Variants in HDAC10 observed in about 807,000 individuals in gnomAD.
HDAC10 encodes polyamine deacetylase HDAC10.
Under a neutral mutation model 82.3 loss-of-function variants are expected in HDAC10, and 90 were observed. The observed-to-expected ratio is 1.09, with a 90% CI of 0.92 to 1.30. HDAC10 has a LOEUF of 1.30. Ranked by LOEUF, HDAC10 falls within the 50% of genes most tolerant of loss-of-function variation. The pLI is 0.00. For missense variants in HDAC10, 934 were observed against 876.3 expected, an observed-to-expected ratio of 1.07 and a Z score of -0.83; for synonymous variants, 456 against 391.7, an observed-to-expected ratio of 1.16 and a Z score of -1.94.
rs1601634353 is a variant in HDAC10, at chr22:50,251,098, C to T, written c.-66G>A. The T allele has an allele frequency of 1.3e-6, 2 of 1,514,696 alleles. No individual in the cohort carries two copies. The highest frequency in any genetic ancestry group is 2.5e-5 in the East Asian group (1 of 40,768). The allele number at this position is 1,514,696 out of a possible 1,614,324, so 93.8% of individuals were successfully genotyped here. A position where few individuals can be genotyped will look rare whatever the true frequency, so the allele number is the denominator to read the frequency against. On this transcript the variant is annotated 5_prime_UTR_variant, in exon 1 of 20. Coordinates refer to ENST00000216271, the MANE Select transcript of HDAC10 (RefSeq NM_032019.6). Reference sequence around the variant, plus strand: ...TAGTGGTGCCTGCCACTGCCTGTCCCCACCTTCGGCCGGGAGCAGCCGGAG... The same window carrying T: ...TAGTGGTGCCTGCCACTGCCTGTCCTCACCTTCGGCCGGGAGCAGCCGGAG...
chr22:50,246,762 G>C (rs766217703), intron 15 of HDAC10, 27 bp from the exon 16 acceptor site: 1 of 1,612,548 alleles, frequency 6.2e-7, no homozygotes, highest in South Asian at 1.1e-5. Flanking sequence ...CCTCAGGACA[G>C]GTGTTCATGT....
chr22:50,249,715 CA>C lies in HDAC10; in HGVS notation c.495-13del. 4 of 1,612,742 alleles carry C rather than the reference CA, an allele frequency of 2.5e-6. No individual in the cohort carries two copies. The highest frequency in any genetic ancestry group is 3.3e-5 in the Admixed American group (2 of 60,008). Reference sequence around the variant, plus strand: ...CCACGACGAGGATCCTGGGTACAGACAGCGCTGGTGGCAAAGGGGCAGGGCC... The same window carrying C: ...CCACGACGAGGATCCTGGGTACAGACGCGCTGGTGGCAAAGGGGCAGGGCC... On this transcript the variant is annotated splice_polypyrimidine_tract_variant and intron_variant, in intron 5 of 19. Transcript: ENST00000216271. This position sits in a 1 kb window ranked among gnomAD's most constrained non-coding sequence, Gnocchi z 4.4.
chr22:50,250,840 C>A lies in HDAC10; in HGVS notation c.125G>T (p.Gly42Val). ...TAALDRLRQRGLEQRCLRLSA... is the reference protein window; with the variant it reads ...TAALDRLRQRVLEQRCLRLSA... ...CAACCGCAGACACCTCTGTTCCAGG[C>A]CGCGCTGCCGCAGGCGATCCAGGGC... The change falls in exon 2 of 20, where the codon GGC becomes GTC. Residue 42 changes from glycine (G) to valine (V), a missense_variant. Transcript: ENST00000216271. 6.2e-7 allele frequency: 1 copy of A among 1,602,244 alleles called. No individual in the cohort carries two copies. The highest frequency in any genetic ancestry group is 8.5e-7 in the Non-Finnish European group (1 of 1,175,736).
In HDAC10 at chr22:50,249,297, G is replaced by T; in HGVS notation, c.690+31C>A. On this transcript the variant is annotated intron_variant, in intron 7 of 19. Transcript: ENST00000216271. This position sits in a 1 kb window ranked among gnomAD's most constrained non-coding sequence, Gnocchi z 4.4. Reference sequence around the variant, plus strand: ...GGGAGGGGCCCAGGGGGAGGGGGCTGGGTGGGGACCTGGGGCTTGAGGGTG... The same window carrying T: ...GGGAGGGGCCCAGGGGGAGGGGGCTTGGTGGGGACCTGGGGCTTGAGGGTG... 1 of 1,546,818 alleles carries T rather than the reference G, an allele frequency of 6.5e-7. No homozygotes were observed.
intron 14 of HDAC10, 52 bp downstream of exon 14, chr22:50,247,640 G>T: frequency 7.4e-7 from 1 of 1,349,062 alleles, no homozygotes; most frequent in Non-Finnish European, 1.0e-6. Flanking sequence ...GGCAGGTCCT[G>T]GTCCCTGCCC....
At chr22:50,247,825 T>A (rs1569134697) in intron 13 of HDAC10, 49 bp from the exon 14 acceptor site, 1 of 1,612,554 alleles carries the variant, frequency 6.2e-7, no homozygotes, top group African/African-American at 1.3e-5. Context: ...TGACCGCAGG[T>A]CAGGCACACA....
chr22:50,250,666 G>A, intron 2 of HDAC10, 105 bp downstream of exon 2: 1 of 1,351,222 alleles, frequency 7.4e-7, no homozygotes, highest in South Asian at 1.4e-5. Context: ...CATAGGGAGA[G>A]GCTCTGTATT....
rs776239767 is a variant in HDAC10 at position 50,245,955 on chromosome 22, C to G, written c.1788G>C (p.Met596Ile). ...QGPHAALLAA[M>I]LRGLAGGRVL... ...CTCGGCCCCCTGCCAGCCCCCGAAG[C>G]ATTGCAGCCAGGAGTGCAGCGTGGG... The change falls in exon 18 of 20, where the codon ATG becomes ATC. Residue 596 changes from methionine to isoleucine, a missense_variant. Transcript: ENST00000216271. The G allele has an allele frequency of 7.5e-6, 12 of 1,603,928 alleles. No individual in the cohort carries two copies. The highest frequency in any genetic ancestry group is 9.4e-6 in the Non-Finnish European group (11 of 1,176,180).
At position 50,248,309 on chromosome 22, in the gene HDAC10, A is replaced by G. The variant is rs1298450064; in HGVS notation, c.1014-17T>C. ...TCTAGGGCACTGTGAGGGAGACACA[A>G]CAGTCGTGACACCTGGTCTCACACC... On this transcript the variant is annotated splice_polypyrimidine_tract_variant and intron_variant, in intron 11 of 19. Coordinates refer to ENST00000216271, the MANE Select transcript of HDAC10 (RefSeq NM_032019.6). The surrounding 1 kb of genome is among the most constrained non-coding windows in gnomAD (Gnocchi z 5.4). The G allele has an allele frequency of 1.2e-6, 2 of 1,611,956 alleles. No homozygotes were observed. Among genetic ancestry groups the G allele is most frequent in the African/African-American group, 2.7e-5 (2 of 74,846 alleles).
chr22:50,250,858 T>C lies in HDAC10; in HGVS notation c.107A>G (p.Asp36Gly), dbSNP rs778584488. ...TTCCAGGCCGCGCTGCCGCAGGCGA[T>C]CCAGGGCTGCGGTCAGGCGCTCAGG... ...ERPERLTAAL[D>G]RLRQRGLEQR... is the part of the protein sequence containing the mutation. The change falls in exon 2 of 20, where the codon GAT becomes GGT. Residue 36 changes from aspartate to glycine, a missense_variant. Physicochemically the swap from Asp to Gly is moderately conservative, Grantham distance 94. Coordinates refer to ENST00000216271, the MANE Select transcript of HDAC10 (RefSeq NM_032019.6). 2.5e-6 allele frequency: 4 copies of C among 1,602,492 alleles called. No individual in the cohort carries two copies. The highest frequency in any genetic ancestry group is 2.3e-5 in the East Asian group (1 of 44,188).
At chr22:50,250,381 A>G in intron 3 of HDAC10, 46 bp downstream of exon 3, 1 of 1,562,380 alleles carries the variant, frequency 6.4e-7, no homozygotes, top group Non-Finnish European at 8.8e-7. Flanking sequence ...GCTCAAAGGC[A>G]CGTGCATGTG....
intron 16 of HDAC10, 24 bp downstream of exon 16, chr22:50,246,655 A>G (rs763193631): frequency 5.6e-6 from 9 of 1,607,726 alleles, no homozygotes; most frequent in Non-Finnish European, 7.6e-6. Context: ...ATGGCTGGAC[A>G]TATGCAAGAC....
chr22:50,251,131 ACCTGCCTGGGG>A lies in HDAC10; in HGVS notation c.-110_-100del. On this transcript the variant is annotated 5_prime_UTR_variant, in exon 1 of 20. Transcript: ENST00000216271. The stretch of plus-strand genomic sequence containing the variant: ...GGCCGGGAGCAGCCGGAGGCCTGGG[ACCTGCCTGGGG>A]CGCAGGCGGGCGGCGGGCACCGGCC... 1 of 1,322,934 alleles carries A rather than the reference ACCTGCCTGGGG, an allele frequency of 7.6e-7. No homozygotes were observed. Among genetic ancestry groups the A allele is most frequent in the South Asian group, 1.3e-5 (1 of 75,638 alleles). The allele number at this position is 1,322,934 out of a possible 1,614,324, so 81.9% of individuals were successfully genotyped here.
At position 50,248,174 on chromosome 22, in the gene HDAC10, G is replaced by A. The variant is rs563741068; in HGVS notation, c.1082-29C>T. On this transcript the variant is annotated intron_variant, in intron 12 of 19. Coordinates refer to ENST00000216271, the MANE Select transcript of HDAC10 (RefSeq NM_032019.6). This position sits in a 1 kb window ranked among gnomAD's most constrained non-coding sequence, Gnocchi z 5.4. ...GGGACAGTTCGGAGTCATAGCCACT[G>A]CACAGGAGCCCGAGGTGGGATCCTG... 3.8e-6 allele frequency: 6 copies of A among 1,597,110 alleles called. No individual in the cohort carries two copies. Among genetic ancestry groups the A allele is most frequent in the Admixed American group, 1.7e-5 (1 of 59,242 alleles).
rs546705262 is a variant in HDAC10 at position 50,247,973 on chromosome 22, C to T, written c.1254G>A (p.Thr418=). ...GGGGCAGAACCAATGTGATATCCGG[C>T]GTTGTCAGGGCAACAGCGGTGCGGA... The part of the protein sequence containing the change: ...PSVRTAVALT[T]PDITLVLPPD... Residue 418 remains threonine, a synonymous_variant, in exon 13 of 20, where the codon ACG becomes ACA. Transcript: ENST00000216271. 7 of 1,612,886 alleles carry T rather than the reference C, an allele frequency of 4.3e-6. No individual in the cohort carries two copies. The East Asian group carries it at 1.1e-4, about 26-fold the overall frequency.
rs1201914857 is a variant in HDAC10, at chr22:50,249,698, A to G, written c.500T>C (p.Leu167Pro). 2 of 1,612,686 alleles carry G rather than the reference A, an allele frequency of 1.2e-6. No individual in the cohort carries two copies. The highest frequency in any genetic ancestry group is 1.7e-6 in the Non-Finnish European group (2 of 1,179,934). The change falls in exon 6 of 20, where the codon CTC becomes CCC. Residue 167 changes from leucine (L) to proline (P), a missense_variant. By Grantham distance (98) the Leu-to-Pro change is moderately conservative. Coordinates refer to ENST00000216271, the MANE Select transcript of HDAC10 (RefSeq NM_032019.6). This position sits in a 1 kb window ranked among gnomAD's most constrained non-coding sequence, Gnocchi z 4.4. ...ATGGTGCACATCCCAGTCCACGACG[A>G]GGATCCTGGGTACAGACAGCGCTGG... Reference protein sequence around the residue: ...AKQKHGLHRILVVDWDVHHGQ... With the variant: ...AKQKHGLHRIPVVDWDVHHGQ...
chr22:50,248,985 T>A lies in HDAC10; in HGVS notation c.757-95A>T. 1 of 1,467,734 alleles carries A rather than the reference T, an allele frequency of 6.8e-7. No homozygotes were observed. The highest frequency in any genetic ancestry group is 9.4e-7 in the Non-Finnish European group (1 of 1,067,652). 90.9% of individuals were successfully genotyped at this position (1,467,734 alleles called of 1,614,324 possible). ...CCATCCCATCCCCTCCTGAGCACCT[T>A]CCCCAGCCACACAGGAGTGGGACAG... is the stretch of plus-strand genomic sequence containing the variant. On this transcript the variant is annotated intron_variant, in intron 8 of 19. Coordinates refer to ENST00000216271, the MANE Select transcript of HDAC10 (RefSeq NM_032019.6). This position sits in a 1 kb window ranked among gnomAD's most constrained non-coding sequence, Gnocchi z 5.4.
rs372470162 is a variant in HDAC10, at chr22:50,250,460, C to T, written c.258G>A (p.Leu86=). The T allele has an allele frequency of 2.7e-5, 43 of 1,612,912 alleles. No homozygotes were observed. In the African/African-American group the frequency reaches 3.6e-4, roughly 14 times the overall value. Residue 86 remains leucine, a synonymous_variant, in exon 3 of 20, where the codon CTG becomes CTA. Coordinates refer to ENST00000216271, the MANE Select transcript of HDAC10 (RefSeq NM_032019.6). ...AGTAGATGGCGTCGAACTGTCCGGA[C>T]AGCGCCTGCAGCTCCTCCTTGCCTA... ...QVLGKEELQA[L]SGQFDAIYFH...
rs1747652957 is a variant in HDAC10 at position 50,246,514 on chromosome 22, C to G, written c.1572-138G>C. ...GCTGAGCCTCTGTGCTGGAGACCCA[C>G]CTGGCATTGCCTCCAGCAGCCCTTC... On this transcript the variant is annotated intron_variant, in intron 16 of 19. Transcript: ENST00000216271. 5 of 1,001,276 alleles carry G rather than the reference C, an allele frequency of 5.0e-6. No individual in the cohort carries two copies. In the Admixed American group the frequency reaches 9.2e-5, roughly 18 times the overall value. 62.0% of individuals were successfully genotyped at this position (1,001,276 alleles called of 1,614,324 possible).
Sources: allele counts gnomAD v4.1 joint callset, GRCh38; gene constraint gnomAD v4.1.1; non-coding constraint Gnocchi (gnomAD v3.1); transcripts MANE v1.5; gene names NCBI Gene and HGNC (gene_info 2026-07-23, HGNC 2026-07-21).